Variants in SPC25 observed in about 807,000 individuals in gnomAD.
The protein encoded by SPC25 is kinetochore protein Spc25.
A neutral mutation model predicts 29.6 loss-of-function variants in SPC25; 22 were observed. The ratio of observed to expected loss-of-function variants is 0.74; its 90% CI spans 0.53 to 1.06. SPC25 has a LOEUF of 1.06. SPC25 is among the 50% of genes least tolerant of loss of function. The pLI is 0.00. For synonymous variants in SPC25, 91 were observed against 90.4 expected (o/e 1.01, Z -0.04); for missense variants, 230 against 255.8 (o/e 0.90, Z 0.69).
chr2:168,863,403 A>G (rs1446975537), intron 4 of SPC25: 1 of 984,602 alleles, frequency 1.0e-6, no homozygotes, highest in Non-Finnish European at 1.2e-6. Context: ...GAAAAGAGTG[A>G]AAGGAAGACT....
chr2:168,873,492 C>T, intron 6 of SPC25, 93 bp downstream of exon 6: 1 of 828,338 alleles, frequency 1.2e-6, no homozygotes, highest in Non-Finnish European at 2.0e-6. Context: ...GAGTCTGGAG[C>T]TATTACTTTC....
chr2:168,863,042 C>T (rs181123881), intron 4 of SPC25, among the ~76,000 whole-genome samples: 5 of 152,104 alleles, frequency 3.3e-5, no homozygotes, highest in Admixed American at 2.6e-4. Context: ...AGACATACTT[C>T]CCAGATGCCA....
At chr2:168,863,259 C>A in intron 4 of SPC25, 1 of 282,048 alleles carries the variant, frequency 3.5e-6, no homozygotes, top group Non-Finnish European at 5.3e-6. Context: ...TAGATTATGT[C>A]AATTTACTGA....
At chr2:168,862,138 G>T in intron 4 of SPC25, 1 of 1,144,410 alleles carries the variant, frequency 8.7e-7, no homozygotes, top group South Asian at 1.3e-5. Flanking sequence ...GCAGCCTTAA[G>T]AGTTACTACC....
At chr2:168,878,761 T>C (rs1247540548) in intron 3 of SPC25, among the ~76,000 whole-genome samples, 2 of 152,220 alleles carry the variant, frequency 1.3e-5, no homozygotes, top group Non-Finnish European at 2.9e-5. Context: ...CTAATATTAA[T>C]AGCTGCAATA....
Position 168,890,354 on chromosome 2 carries a change from C to A in SPC25, c.-51G>T. ...GGCCTGAGTCCCGCCGCCTTCCCCA[C>A]ACCAGATCCGCGCCCACTCTAGCCA... On this transcript the variant is annotated 5_prime_UTR_variant, in exon 1 of 7. Transcript: ENST00000282074. 2.0e-6 allele frequency: 2 copies of A among 985,588 alleles called. No homozygotes were observed. Among genetic ancestry groups the A allele is most frequent in the Non-Finnish European group, 2.4e-6 (2 of 830,040 alleles). The allele number at this position is 985,588 out of a possible 1,614,324, so 61.1% of individuals were successfully genotyped here. A position where few individuals can be genotyped will look rare whatever the true frequency, so the allele number is the denominator to read the frequency against.
At chr2:168,889,667 C>G in intron 1 of SPC25, 134 bp from the exon 2 acceptor site, 1 of 951,604 alleles carries the variant, frequency 1.1e-6, no homozygotes, top group Non-Finnish European at 1.5e-6. Context: ...TCTAGGTATT[C>G]AAGGGTAGAT....
At chr2:168,864,869 G>A in intron 4 of SPC25, 10 of 1,613,928 alleles carry the variant, frequency 6.2e-6, no homozygotes, top group Non-Finnish European at 8.5e-6. Flanking sequence ...AAAAGAAGGA[G>A]GATGGTGGTT....
At chr2:168,878,341 T>G (rs1215233827) in intron 3 of SPC25, among the ~76,000 whole-genome samples, 1 of 152,198 alleles carries the variant, frequency 6.6e-6, no homozygotes, top group Non-Finnish European at 1.5e-5. Context: ...GGAAAATCCA[T>G]CACATGAATA....
intron 3 of SPC25, among the ~76,000 whole-genome samples, 191 bp downstream of exon 3, chr2:168,889,035 A>ATATATATACACATATATG (rs1690336086): frequency 4.6e-5 from 1 of 21,896 alleles, no homozygotes; most frequent in East Asian, 1.6e-3. Context: ...ATATATATAC[A>ATATATATACACATATATG]TATATATATA....
At chr2:168,869,694 G>A (rs1559151738), downstream of SPC25, among the ~76,000 whole-genome samples, 1 of 152,128 alleles carries the variant, frequency 6.6e-6, no homozygotes, top group Non-Finnish European at 1.5e-5. Context: ...CCACTGCTCA[G>A]TGAAATAAAA....
chr2:168,884,024 CT>C (rs1211953809), intron 3 of SPC25, among the ~76,000 whole-genome samples: 1 of 152,070 alleles, frequency 6.6e-6, no homozygotes, highest in Non-Finnish European at 1.5e-5. Context: ...CTGCCTCGGC[CT>C]CCCAAATTGC....
intron 4 of SPC25, chr2:168,864,835 T>TGAC: frequency 6.2e-7 from 1 of 1,613,820 alleles, no homozygotes; most frequent in Non-Finnish European, 8.5e-7. Flanking sequence ...TTTTCACAGG[T>TGAC]GACATTGTGA....
At chr2:168,889,070 C>CACATATATACATATATAT (rs1559158797) in intron 3 of SPC25, among the ~76,000 whole-genome samples, 156 bp downstream of exon 3, 3 of 61,850 alleles carry the variant, frequency 4.9e-5, no homozygotes, top group African/African-American at 1.5e-4. Context: ...TATATATATA[C>CACATATATACATATATAT]ACATATATAT....
chr2:168,865,024 G>C, intron 4 of SPC25: 1 of 1,576,040 alleles, frequency 6.3e-7, no homozygotes. Flanking sequence ...ATACAGTGTG[G>C]TTCAAATAAG....
intron 3 of SPC25, among the ~76,000 whole-genome samples, chr2:168,888,972 T>TACAC (rs1553539509): frequency 0.046 from 4,763 of 103,240 alleles, 615 homozygotes; most frequent in East Asian, 0.19. Flanking sequence ...TATATATATA[T>TACAC]ACACACACAC....
At chr2:168,888,974 C>T (rs867785460) in intron 3 of SPC25, among the ~76,000 whole-genome samples, 1,044 of 88,634 alleles carry the variant, frequency 0.012, 51 homozygotes, top group African/African-American at 0.03. Flanking sequence ...TATATATATA[C>T]ACACACACAT....
intron 3 of SPC25, among the ~76,000 whole-genome samples, chr2:168,888,566 C>T (rs562040297): frequency 1.3e-5 from 2 of 151,938 alleles, no homozygotes; most frequent in East Asian, 3.9e-4. Flanking sequence ...AAGTGAGACC[C>T]TGTCTCAAAA....
chr2:168,870,613 T>A (rs969182145), downstream of SPC25, among the ~76,000 whole-genome samples: 1 of 151,554 alleles, frequency 6.6e-6, no homozygotes, highest in African/African-American at 2.4e-5. Flanking sequence ...AAAATGCTCA[T>A]CATCACTGGC....
Sources: gnomAD v4.1 joint callset for allele counts (sites outside exome capture counted in the v4.1 genomes callset) on GRCh38, gnomAD v4.1.1 for gene constraint, MANE v1.5 for transcripts, NCBI Gene and HGNC (gene_info 2026-07-23, HGNC 2026-07-21) for gene names.